Variants in NDST4 observed in about 807,000 individuals in gnomAD.
NDST4 encodes N-heparan sulfate sulfotransferase 4.
Under a neutral mutation model 100.8 loss-of-function variants are expected in NDST4, and 63 were observed. The observed-to-expected ratio is 0.62, with a 90% CI of 0.51 to 0.77. NDST4 has a LOEUF of 0.77. Among genes scored for constraint, NDST4 ranks in the 30% least tolerant of loss-of-function variants. The pLI is 0.00. For missense variants in NDST4, 943 were observed against 1,018.4 expected (o/e 0.93, Z 1.01); for synonymous variants, 377 against 361.8 (o/e 1.04, Z -0.48).
chr4:114,897,244 C>T (rs554709496), intron 6 of NDST4, among the ~76,000 whole-genome samples: 1 of 152,280 alleles, frequency 6.6e-6, no homozygotes, highest in South Asian at 2.1e-4. Flanking sequence ...TCATCCCTAT[C>T]TTCCCTCTAA....
At chr4:114,890,371 G>A (rs995821473) in intron 6 of NDST4, among the ~76,000 whole-genome samples, 1 of 151,970 alleles carries the variant, frequency 6.6e-6, no homozygotes, top group African/African-American at 2.4e-5. Context: ...ATAATAACAG[G>A]TGGTCAAGGG....
intron 4 of NDST4, among the ~76,000 whole-genome samples, chr4:114,959,362 G>GA (rs958702310): frequency 2.6e-5 from 4 of 151,284 alleles, no homozygotes; most frequent in Admixed American, 2.0e-4. Context: ...ATACTGCTAT[G>GA]AAAAAAATCC....
intron 2 of NDST4, among the ~76,000 whole-genome samples, chr4:114,988,607 C>T (rs1032419628): frequency 9.2e-5 from 14 of 151,706 alleles, no homozygotes; most frequent in Admixed American, 1.3e-4. Flanking sequence ...GTGATCCACC[C>T]ACCTTGGCCT....
At chr4:115,087,535 G>GTTTTAAA (rs1262288227) in intron 1 of NDST4, among the ~76,000 whole-genome samples, 107 of 151,800 alleles carry the variant, frequency 7.0e-4, no homozygotes, top group African/African-American at 2.4e-3. Flanking sequence ...GACAGTGGAT[G>GTTTTAAA]GTTTTAAAGT....
At chr4:114,995,102 C>A (rs2126253351) in intron 2 of NDST4, among the ~76,000 whole-genome samples, 1 of 152,110 alleles carries the variant, frequency 6.6e-6, no homozygotes, top group South Asian at 2.1e-4. Flanking sequence ...CCCCAAGAAG[C>A]ATTTAAGTTA....
chr4:114,945,446 G>A (rs1725841758), intron 4 of NDST4, among the ~76,000 whole-genome samples: 1 of 152,062 alleles, frequency 6.6e-6, no homozygotes, highest in South Asian at 2.1e-4. Flanking sequence ...ATATATTTGA[G>A]ATAATATATC....
chr4:114,852,719 T>G lies in NDST4; in HGVS notation c.1816+6A>C. The G allele has an allele frequency of 6.4e-7, 1 of 1,562,236 alleles. No homozygotes were observed. Among genetic ancestry groups the G allele is most frequent in the Non-Finnish European group, 8.8e-7 (1 of 1,134,230 alleles). ...GGATATAAGTAGCACAATTGGCTATTTTTACCTGTTTTTTGTGGACCAATT... is the reference window on the plus strand; with the variant it reads ...GGATATAAGTAGCACAATTGGCTATGTTTACCTGTTTTTTGTGGACCAATT... On this transcript the variant is annotated splice_donor_region_variant and intron_variant, in intron 8 of 13. Coordinates refer to ENST00000264363, the MANE Select transcript of NDST4 (RefSeq NM_022569.3).
At chr4:115,024,589 C>A (rs1727939058) in intron 2 of NDST4, among the ~76,000 whole-genome samples, 1 of 152,134 alleles carries the variant, frequency 6.6e-6, no homozygotes, top group Non-Finnish European at 1.5e-5. Flanking sequence ...ATTTTACAGA[C>A]TTAAAGCTGG....
At chr4:115,111,770 G>A (rs1729957484) in intron 1 of NDST4, among the ~76,000 whole-genome samples, 1 of 151,626 alleles carries the variant, frequency 6.6e-6, no homozygotes, top group South Asian at 2.1e-4. Context: ...GTGACCAGGT[G>A]CCATTCAGAT....
intron 2 of NDST4, among the ~76,000 whole-genome samples, chr4:114,986,485 G>T (rs575920260): frequency 6.6e-6 from 1 of 151,892 alleles, no homozygotes; most frequent in Non-Finnish European, 1.5e-5. Flanking sequence ...TGGCATTCTG[G>T]TTCTCTCCCT....
At chr4:114,962,758 C>A (rs951812356) in intron 4 of NDST4, among the ~76,000 whole-genome samples, 1 of 152,078 alleles carries the variant, frequency 6.6e-6, no homozygotes, top group Non-Finnish European at 1.5e-5. Flanking sequence ...AGATTGACTG[C>A]TATCACTGTC....
chr4:114,979,705 T>TG (rs1387702398), intron 2 of NDST4, among the ~76,000 whole-genome samples: 1 of 151,780 alleles, frequency 6.6e-6, no homozygotes, highest in African/African-American at 2.4e-5. Flanking sequence ...CAAAGGCAGA[T>TG]GGGGGGCTAG....
intron 1 of NDST4, among the ~76,000 whole-genome samples, chr4:115,094,221 A>G (rs1216931332): frequency 3.3e-5 from 5 of 152,168 alleles, no homozygotes. Context: ...TGTAAGGTTT[A>G]GAGAAGCCTC....
intron 4 of NDST4, among the ~76,000 whole-genome samples, chr4:114,954,084 G>C (rs1726082434): frequency 6.6e-6 from 1 of 152,010 alleles, no homozygotes; most frequent in Non-Finnish European, 1.5e-5. Flanking sequence ...CTATATTCAA[G>C]ATCATTCACA....
chr4:115,042,317 T>C (rs948186517), intron 2 of NDST4, among the ~76,000 whole-genome samples: 1 of 152,114 alleles, frequency 6.6e-6, no homozygotes, highest in Non-Finnish European at 1.5e-5. Flanking sequence ...TTGACATCGT[T>C]ATGGCTCAAT....
intron 1 of NDST4, among the ~76,000 whole-genome samples, chr4:115,093,278 A>G (rs957604192): frequency 6.6e-6 from 1 of 152,086 alleles, no homozygotes; most frequent in Non-Finnish European, 1.5e-5. Flanking sequence ...GATCGAGACT[A>G]TCCTGGCTAA....
At chr4:115,031,293 C>T (rs1728110515) in intron 2 of NDST4, among the ~76,000 whole-genome samples, 2 of 151,916 alleles carry the variant, frequency 1.3e-5, no homozygotes, top group African/African-American at 4.8e-5. Flanking sequence ...TCTGGCTTTT[C>T]CATTGTTCAG....
At chr4:115,016,761 C>T (rs1320710583) in intron 2 of NDST4, among the ~76,000 whole-genome samples, 1 of 151,958 alleles carries the variant, frequency 6.6e-6, no homozygotes, top group African/African-American at 2.4e-5. Context: ...GTACAACAAC[C>T]CAATCCAGGC....
At chr4:115,009,584 A>T (rs1560856995) in intron 2 of NDST4, among the ~76,000 whole-genome samples, 1 of 123,944 alleles carries the variant, frequency 8.1e-6, no homozygotes, top group Admixed American at 8.3e-5. Context: ...TAAAAACCCT[A>T]GAAGAAAACC....
Sources: gnomAD v4.1 joint callset for allele counts (sites outside exome capture counted in the v4.1 genomes callset) on GRCh38, gnomAD v4.1.1 for gene constraint, MANE v1.5 for transcripts, NCBI Gene and HGNC (gene_info 2026-07-23, HGNC 2026-07-21) for gene names.